PLCL2: variants seen among roughly 807,000 people sequenced by gnomAD.
PLCL2 encodes phospholipase C like 2, also known as inactive phospholipase C-like protein 2.
A neutral mutation model predicts 79.6 loss-of-function variants in PLCL2; 4 were observed. The ratio of observed to expected loss-of-function variants is 0.05; its 90% CI spans 0.02 to 0.11. The LOEUF is 0.11. Ranked by LOEUF, PLCL2 falls within the 10% of genes least tolerant of loss-of-function variation. The pLI is 1.00. For missense variants in PLCL2, 895 were observed against 1,291.0 expected (o/e 0.69, Z 4.70); for synonymous variants, 484 against 457.7 (o/e 1.06, Z -0.73).
chr3:17,057,355 C>A (rs1356020907), intron 4 of PLCL2, among the ~76,000 whole-genome samples: 3 of 152,120 alleles, frequency 2.0e-5, no homozygotes, highest in Non-Finnish European at 4.4e-5. Context: ...GAAACTGTTA[C>A]AAGCAGTGAG....
intron 2 of PLCL2, among the ~76,000 whole-genome samples, 172 bp downstream of exon 2, chr3:17,012,332 G>A (rs1239371702): frequency 2.6e-5 from 4 of 152,072 alleles, no homozygotes; most frequent in Non-Finnish European, 4.4e-5. Flanking sequence ...CTTCCTAAAG[G>A]TACAGTTGAT....
chr3:17,039,720 A>G (rs948149557), intron 3 of PLCL2, among the ~76,000 whole-genome samples: 1 of 152,204 alleles, frequency 6.6e-6, no homozygotes, highest in African/African-American at 2.4e-5. Context: ...TTCCTTCTGG[A>G]ATTCCCCTCT....
rs1382782633 is a variant in PLCL2, at chr3:17,028,292, AAAGG to A, written c.3018+13386_3018+13389del. On this transcript the variant is annotated intron_variant, in intron 3 of 5. Coordinates refer to ENST00000615277, the MANE Select transcript of PLCL2 (RefSeq NM_001144382.2). ...AGGCTGTGCTAACCACACTCAGTTTAAAGGAAGGGATTATAAAAGTGCTTGAGGT... is the reference window on the plus strand; with the variant it reads ...AGGCTGTGCTAACCACACTCAGTTTAAAGGGATTATAAAAGTGCTTGAGGT... Among the ~76,000 whole-genome samples, 3 of 152,096 alleles carry A rather than the reference AAAGG, an allele frequency of 2.0e-5. 1 individual carries two copies. Among genetic ancestry groups the A allele is most frequent in the Admixed American group, 2.0e-4 (3 of 15,272 alleles).
At chr3:17,019,208 A>T (rs2064419434) in intron 3 of PLCL2, among the ~76,000 whole-genome samples, 1 of 152,220 alleles carries the variant, frequency 6.6e-6, no homozygotes, top group Admixed American at 6.5e-5. Flanking sequence ...AGGGTGAAAC[A>T]TGCTCACAGG....
At position 16,912,707 on chromosome 3, in the gene PLCL2, T is replaced by C. The variant is rs577369005; in HGVS notation, c.327+27341T>C. Among the ~76,000 whole-genome samples, 4 of 152,320 alleles carry C rather than the reference T, an allele frequency of 2.6e-5. No individual in the cohort carries two copies. The East Asian group carries it at 7.7e-4, about 29-fold the overall frequency. ...TGAATTATTCTGCTTTCTTTGACTG[T>C]TTTCTTTGCTTTAAAAAATATTAAT... On this transcript the variant is annotated intron_variant, in intron 1 of 5. Coordinates refer to ENST00000615277, the MANE Select transcript of PLCL2 (RefSeq NM_001144382.2).
rs1696590980 is a variant in PLCL2 at position 16,900,415 on chromosome 3, CATGCA to C, written c.327+15050_327+15054del. 2.0e-5 allele frequency among the ~76,000 whole-genome samples: 3 copies of C among 152,234 alleles called. No homozygotes were observed. The South Asian group carries it at 6.2e-4, about 32-fold the overall frequency. On this transcript the variant is annotated intron_variant, in intron 1 of 5. Transcript: ENST00000615277. The stretch of plus-strand genomic sequence containing the variant: ...AAGAAGCTATAAACTTTATATCTAG[CATGCA>C]TTTTGACTTTTAAGAAAATCAGTTA...
chr3:17,081,104 C>G (rs2065158162), intron 5 of PLCL2: 2 of 451,394 alleles, frequency 4.4e-6, no homozygotes, highest in Non-Finnish European at 8.9e-6. Context: ...AATAGCACTT[C>G]CCTTGCATCC....
At chr3:16,905,145 T>A (rs940827813) in intron 1 of PLCL2, among the ~76,000 whole-genome samples, 1 of 152,190 alleles carries the variant, frequency 6.6e-6, no homozygotes, top group Admixed American at 6.5e-5. Context: ...CTGAATCCTC[T>A]CCTTCATGAC....
At chr3:16,914,218 G>A (rs766761852) in intron 1 of PLCL2, among the ~76,000 whole-genome samples, 12 of 152,128 alleles carry the variant, frequency 7.9e-5, no homozygotes, top group Non-Finnish European at 1.6e-4. Flanking sequence ...CTCTAACATA[G>A]ATCTTAATAT....
chr3:16,972,767 G>A (rs1426000673), intron 1 of PLCL2, among the ~76,000 whole-genome samples: 1 of 151,960 alleles, frequency 6.6e-6, no homozygotes, highest in African/African-American at 2.4e-5. Context: ...GATCATTATT[G>A]TTTTGAAATC....
At chr3:17,018,833 C>T (rs115104508) in intron 3 of PLCL2, among the ~76,000 whole-genome samples, 4,724 of 152,240 alleles carry the variant, frequency 0.031, 101 homozygotes, top group South Asian at 0.044. Flanking sequence ...GCTCTTAGCA[C>T]GTGCACTGCT....
intron 5 of PLCL2, among the ~76,000 whole-genome samples, chr3:17,080,903 C>A (rs193092751): frequency 1.3e-5 from 2 of 152,222 alleles, no homozygotes; most frequent in East Asian, 3.8e-4. Context: ...AACCTGCTTG[C>A]TTTAAAATAT....
In PLCL2 at chr3:17,010,424, A is replaced by T; in HGVS notation, c.1078A>T (p.Thr360Ser). 1 of 1,613,956 alleles carries T rather than the reference A, an allele frequency of 6.2e-7. No homozygotes were observed. Among genetic ancestry groups the T allele is most frequent in the Admixed American group, 1.7e-5 (1 of 60,006 alleles). ...QFSSNKEFLD[T>S]KDLMMFLEAE... ...TTCAAGCAATAAAGAATTCCTTGAT[A>T]CCAAGGACCTTATGATGTTTCTTGA... The change falls in exon 2 of 6, where the codon ACC becomes TCC. Residue 360 changes from threonine to serine, a missense_variant. Thr to Ser is a moderately conservative substitution (Grantham distance 58, BLOSUM62 1). This residue lies in a region of PLCL2 where 93 missense variants were observed against 93.2 expected (regional missense o/e 1.00). Coordinates refer to ENST00000615277, the MANE Select transcript of PLCL2 (RefSeq NM_001144382.2). This position sits in a 1 kb window ranked among gnomAD's most constrained non-coding sequence, Gnocchi z 5.8.
Position 17,010,598 on chromosome 3 carries a change from G to A in PLCL2, c.1252G>A (p.Asp418Asn), listed in dbSNP as rs1394343507. 3.7e-6 allele frequency: 6 copies of A among 1,613,932 alleles called. No individual in the cohort carries two copies. The highest frequency in any genetic ancestry group is 4.2e-6 in the Non-Finnish European group (5 of 1,179,992). The change falls in exon 2 of 6, where the codon GAT becomes AAT. Residue 418 changes from aspartate to asparagine, a missense_variant. Around this residue, in one of 6 missense-constraint regions of PLCL2, gnomAD observed 242 missense variants for 399.5 expected, o/e 0.61. Coordinates refer to ENST00000615277, the MANE Select transcript of PLCL2 (RefSeq NM_001144382.2). This position sits in a 1 kb window ranked among gnomAD's most constrained non-coding sequence, Gnocchi z 5.8. ...TATGTCACCTGACTGTTATATATTC[G>A]ATCCAGAACATAAGAAGGTCTGTCA... ...YLMSPDCYIF[D>N]PEHKKVCQDM...
chr3:16,967,498 T>G lies in PLCL2; in HGVS notation c.328-42176T>G, dbSNP rs554767905. Among the ~76,000 whole-genome samples the G allele has an allele frequency of 2.0e-5, 3 of 152,288 alleles. No individual in the cohort carries two copies. The South Asian group carries it at 6.2e-4, about 32-fold the overall frequency. ...ATGGTATCTCATTGTGGTTTTGATTTGCATTTCTCTAATGATTATTGTTGA... is the reference window on the plus strand; with the variant it reads ...ATGGTATCTCATTGTGGTTTTGATTGGCATTTCTCTAATGATTATTGTTGA... On this transcript the variant is annotated intron_variant, in intron 1 of 5. Transcript: ENST00000615277.
At chr3:17,063,868 GTTTTAA>G (rs1166590677) in intron 4 of PLCL2, among the ~76,000 whole-genome samples, 1 of 152,202 alleles carries the variant, frequency 6.6e-6, no homozygotes, top group Non-Finnish European at 1.5e-5. Flanking sequence ...AGTGCAAGGA[GTTTTAA>G]AACAAAACCA....
chr3:17,044,420 C>A (rs1430848029), intron 4 of PLCL2, among the ~76,000 whole-genome samples: 1 of 152,206 alleles, frequency 6.6e-6, no homozygotes, highest in African/African-American at 2.4e-5. Context: ...TTCTGGGAGA[C>A]CTTTCAAGAT....
intron 1 of PLCL2, among the ~76,000 whole-genome samples, chr3:16,903,290 T>G (rs1696671890): frequency 6.6e-6 from 1 of 152,098 alleles, no homozygotes; most frequent in African/African-American, 2.4e-5. Context: ...AATTATTTTT[T>G]ATGCCAAAGA....
intron 1 of PLCL2, among the ~76,000 whole-genome samples, chr3:16,919,834 A>T (rs561160127): frequency 1.7e-4 from 26 of 152,250 alleles, no homozygotes; most frequent in Non-Finnish European, 3.4e-4. Context: ...GGGAATCCTC[A>T]TTGCAAAGAT....
Sources: gnomAD v4.1 joint callset for allele counts (sites outside exome capture counted in the v4.1 genomes callset) on GRCh38, gnomAD v4.1.1 for gene constraint, gnomAD v4.1.1 regional missense constraint, Gnocchi (gnomAD v3.1) non-coding constraint, MANE v1.5 for transcripts, NCBI Gene and HGNC (gene_info 2026-07-23, HGNC 2026-07-21) for gene names.